CDHR1: variants seen among roughly 807,000 people sequenced by gnomAD.
CDHR1 encodes cadherin related family member 1.
In CDHR1, 61 loss-of-function variants were observed where a neutral mutation model predicts 72.1. The ratio of observed to expected loss-of-function variants is 0.85; its 90% CI spans 0.69 to 1.05. The LOEUF is 1.05. Among genes scored for constraint, CDHR1 ranks in the 50% least tolerant of loss-of-function variants. The pLI is 0.00. For missense variants in CDHR1, 1,186 were observed against 1,115.7 expected (o/e 1.06, Z -0.90); for synonymous variants, 470 against 448.1 (o/e 1.05, Z -0.62).
intron 2 of CDHR1, among the ~76,000 whole-genome samples, chr10:84,195,952 G>C (rs537222841): frequency 3.9e-5 from 6 of 152,222 alleles, no homozygotes; most frequent in Admixed American, 6.5e-5. Context: ...TGCAGAGAGA[G>C]GGGAGGAGAA....
In CDHR1 at chr10:84,215,440, C is replaced by CT; in HGVS notation, c.*821dup. 1.0e-6 allele frequency: 1 copy of CT among 985,446 alleles called. No individual in the cohort carries two copies. The highest frequency in any genetic ancestry group is 1.2e-6 in the Non-Finnish European group (1 of 829,936). 61.0% of individuals were successfully genotyped at this position (985,446 alleles called of 1,614,324 possible). A position where few individuals can be genotyped will look rare whatever the true frequency, so the allele number is the denominator to read the frequency against. On this transcript the variant is annotated 3_prime_UTR_variant, in exon 17 of 17. Transcript: ENST00000623527. ...CTGAGGAGCTGCCCCACCAGCCATC[C>CT]TTGAAGAGACAATTCAGGGCAGTTG...
Position 84,213,215 on chromosome 10 carries a change from G to C in CDHR1, c.1907G>C (p.Arg636Pro), listed in dbSNP as rs141835573. The C allele has an allele frequency of 6.2e-7, 1 of 1,614,054 alleles. No homozygotes were observed. The highest frequency in any genetic ancestry group is 8.5e-7 in the Non-Finnish European group (1 of 1,180,034). The change falls in exon 16 of 17, where the codon CGC (arginine) becomes CCC (proline). Residue 636 changes from arginine (R) to proline (P), a missense_variant. By Grantham distance (103) the Arg-to-Pro change is moderately radical. Coordinates refer to ENST00000623527, the MANE Select transcript of CDHR1 (RefSeq NM_033100.4). ...TGEIWLKNSI[R>P]SLDALHNITP... ...GAGATCTGGCTCAAGAATTCCATCC[G>C]CTCCCTGGATGCCCTGCACAACATC... is the stretch of plus-strand genomic sequence containing the variant.
chr10:84,214,815 A>G lies in CDHR1; in HGVS notation c.*194A>G, dbSNP rs1842401902. On this transcript the variant is annotated 3_prime_UTR_variant, in exon 17 of 17. Coordinates refer to ENST00000623527, the MANE Select transcript of CDHR1 (RefSeq NM_033100.4). ...GTTGCGCTCTGACAGGGCTCTAGTC[A>G]GGGCCTTGGGCAAGACATTGGGCTC... 1.3e-6 allele frequency: 2 copies of G among 1,509,316 alleles called. No homozygotes were observed. Among genetic ancestry groups the G allele is most frequent in the Non-Finnish European group, 8.8e-7 (1 of 1,138,666 alleles). The allele number at this position is 1,509,316 out of a possible 1,614,324, so 93.5% of individuals were successfully genotyped here.
At chr10:84,204,677 C>T in intron 9 of CDHR1, 72 bp downstream of exon 9, 1 of 1,013,242 alleles carries the variant, frequency 9.9e-7, no homozygotes, top group Non-Finnish European at 1.6e-6. Flanking sequence ...CTCAACCTCT[C>T]TAGATTCCAG....
Position 84,211,001 on chromosome 10 carries a change from C to G in CDHR1, c.1321C>G (p.Leu441Val). The G allele has an allele frequency of 1.2e-6, 2 of 1,614,210 alleles. No homozygotes were observed. The highest frequency in any genetic ancestry group is 1.6e-4 in the Middle Eastern group (1 of 6,062). Reference sequence around the variant, plus strand: ...AGTCCCCATTTTCCCCCCTTCCCAGCTCCTGGCTGTTGAAGTGAACACCCC... The same window carrying G: ...AGTCCCCATTTTCCCCCCTTCCCAGGTCCTGGCTGTTGAAGTGAACACCCC... ...FEKSKVLTFK[L>V]LAVEVNTPEK... is the part of the protein sequence containing the mutation. The change falls in exon 13 of 17, where the codon CTC becomes GTC. Residue 441 changes from leucine (L) to valine (V), a missense_variant and splice_region_variant. Transcript: ENST00000623527.
intron 6 of CDHR1, 134 bp downstream of exon 6, chr10:84,200,821 G>A: frequency 1.4e-6 from 1 of 693,982 alleles, no homozygotes; most frequent in Non-Finnish European, 2.6e-6. Flanking sequence ...GGTTGGGATG[G>A]GCAGGAGGGG....
In CDHR1 at chr10:84,217,921, C is replaced by T; in HGVS notation, c.*3300C>T. 1.0e-6 allele frequency: 1 copy of T among 985,460 alleles called. No individual in the cohort carries two copies. The highest frequency in any genetic ancestry group is 1.2e-6 in the Non-Finnish European group (1 of 829,948). The allele number at this position is 985,460 out of a possible 1,614,324, so 61.0% of individuals were successfully genotyped here. A position where few individuals can be genotyped will look rare whatever the true frequency, so the allele number is the denominator to read the frequency against. ...GAACTTGTGGCACTCTGTCCTCAAG[C>T]AGCTGTCCCTCAGAATCCTGCTAGA... On this transcript the variant is annotated 3_prime_UTR_variant, in exon 17 of 17. Transcript: ENST00000623527.
At position 84,216,859 on chromosome 10, in the gene CDHR1, G is replaced by A. The variant is rs1419229506; in HGVS notation, c.*2238G>A. On this transcript the variant is annotated 3_prime_UTR_variant, in exon 17 of 17. Coordinates refer to ENST00000623527, the MANE Select transcript of CDHR1 (RefSeq NM_033100.4). ...TACCAGTGCAGCCCGGCAAGGGCAG[G>A]AATTGGGAGGCCTAGGGTGGGCATG... 4.8e-5 allele frequency: 47 copies of A among 985,426 alleles called. No individual in the cohort carries two copies. The highest frequency in any genetic ancestry group is 5.4e-5 in the Non-Finnish European group (45 of 829,988). 61.0% of individuals were successfully genotyped at this position (985,426 alleles called of 1,614,324 possible). A position where few individuals can be genotyped will look rare whatever the true frequency, so the allele number is the denominator to read the frequency against.
In CDHR1 at chr10:84,215,252, C is replaced by G. The variant is rs886047335; in HGVS notation, c.*631C>G. On this transcript the variant is annotated 3_prime_UTR_variant, in exon 17 of 17. Coordinates refer to ENST00000623527, the MANE Select transcript of CDHR1 (RefSeq NM_033100.4). The stretch of plus-strand genomic sequence containing the variant: ...TTCTGTCTGGGCAGAGACTGTGGAC[C>G]CTGGTATGCCCACGTGGGACAGAGG... The G allele has an allele frequency of 1.0e-6, 1 of 990,252 alleles. No individual in the cohort carries two copies. The highest frequency in any genetic ancestry group is 1.2e-6 in the Non-Finnish European group (1 of 832,914). 61.3% of individuals were successfully genotyped at this position (990,252 alleles called of 1,614,324 possible).
intron 13 of CDHR1, 129 bp from the exon 14 acceptor site, chr10:84,211,519 C>T: frequency 1.2e-6 from 1 of 830,796 alleles, no homozygotes; most frequent in Non-Finnish European, 2.0e-6. Context: ...GTCTCTCCAC[C>T]AATTTCTCCC....
In CDHR1 at chr10:84,194,753, G is replaced by T; in HGVS notation, c.-8G>T. 6.6e-6 allele frequency: 10 copies of T among 1,504,384 alleles called. No individual in the cohort carries two copies. Among genetic ancestry groups the T allele is most frequent in the Non-Finnish European group, 8.8e-6 (10 of 1,134,692 alleles). The allele number at this position is 1,504,384 out of a possible 1,614,324, so 93.2% of individuals were successfully genotyped here. A position where few individuals can be genotyped will look rare whatever the true frequency, so the allele number is the denominator to read the frequency against. ...CGGCGGCAGGCGACACTCCGCGCCGGCGGAGACATGAGGCGCTGCCGGTGG... is the reference window on the plus strand; with the variant it reads ...CGGCGGCAGGCGACACTCCGCGCCGTCGGAGACATGAGGCGCTGCCGGTGG... On this transcript the variant is annotated 5_prime_UTR_variant, in exon 1 of 17. Coordinates refer to ENST00000623527, the MANE Select transcript of CDHR1 (RefSeq NM_033100.4).
rs985106833 is a variant in CDHR1 at position 84,215,170 on chromosome 10, C to T, written c.*549C>T. 3 of 1,009,438 alleles carry T rather than the reference C, an allele frequency of 3.0e-6. No homozygotes were observed. The highest frequency in any genetic ancestry group is 3.6e-6 in the Non-Finnish European group (3 of 844,068). The allele number at this position is 1,009,438 out of a possible 1,614,324, so 62.5% of individuals were successfully genotyped here. ...TGTAGGTAAGGGGAGAGCAAGGATG[C>T]ACAGAAAACACACTGACTGTGGGAC... On this transcript the variant is annotated 3_prime_UTR_variant, in exon 17 of 17. Coordinates refer to ENST00000623527, the MANE Select transcript of CDHR1 (RefSeq NM_033100.4).
chr10:84,213,314 C>T lies in CDHR1; in HGVS notation c.2006C>T (p.Thr669Ile), dbSNP rs1299770036. ...CGGGGCTCCCCATCCTTCAGCACCA[C>T]AGCCTTACTCAAGATTGACATCACA... ...KDRGSPSFST[T>I]ALLKIDITDA... is the part of the protein sequence containing the mutation. Residue 669 changes from threonine to isoleucine, a missense_variant, in exon 16 of 17, where the codon ACA becomes ATA. Coordinates refer to ENST00000623527, the MANE Select transcript of CDHR1 (RefSeq NM_033100.4). 1.9e-6 allele frequency: 3 copies of T among 1,614,236 alleles called. No individual in the cohort carries two copies. Among genetic ancestry groups the T allele is most frequent in the East Asian group, 2.2e-5 (1 of 44,880 alleles).
chr10:84,196,739 A>G, intron 3 of CDHR1, 89 bp downstream of exon 3: 1 of 1,464,406 alleles, frequency 6.8e-7, no homozygotes, highest in Non-Finnish European at 9.6e-7. Context: ...ATTGGTTAGA[A>G]CCTCTCCACA....
Position 84,213,227 on chromosome 10 carries a change from C to T in CDHR1, c.1919C>T (p.Ala640Val), listed in dbSNP as rs1361135707. 12 of 1,614,116 alleles carry T rather than the reference C, an allele frequency of 7.4e-6. No individual in the cohort carries two copies. The highest frequency in any genetic ancestry group is 1.0e-5 in the Non-Finnish European group (12 of 1,180,052). ...WLKNSIRSLDALHNITPGRDC... is the reference protein window; with the variant it reads ...WLKNSIRSLDVLHNITPGRDC... ...AAGAATTCCATCCGCTCCCTGGATG[C>T]CCTGCACAACATCACACCTGGAAGG... Residue 640 changes from alanine (A) to valine (V), a missense_variant, in exon 16 of 17, where the codon GCC (alanine) becomes GTC (valine). Ala to Val is a moderately conservative substitution (Grantham distance 64, BLOSUM62 0). Coordinates refer to ENST00000623527, the MANE Select transcript of CDHR1 (RefSeq NM_033100.4).
chr10:84,204,497 T>A (rs774162981), intron 8 of CDHR1, 30 bp from the exon 9 acceptor site: 1 of 1,524,572 alleles, frequency 6.6e-7, no homozygotes, highest in Non-Finnish European at 9.1e-7. Context: ...ATATTGCCCA[T>A]CAGGCAGCGG....
chr10:84,195,692 C>A, intron 2 of CDHR1, 103 bp downstream of exon 2: 1 of 934,030 alleles, frequency 1.1e-6, no homozygotes, highest in Non-Finnish European at 1.7e-6. Flanking sequence ...TGCGCGCGCC[C>A]GGGGGCTCCT....
At chr10:84,198,985 CAGA>C in intron 4 of CDHR1, 44 bp from the exon 5 acceptor site, 1 of 1,419,598 alleles carries the variant, frequency 7.0e-7, no homozygotes, top group Non-Finnish European at 9.7e-7. Flanking sequence ...ATTCATCCTT[CAGA>C]AGGTCTCATT....
chr10:84,205,606 G>T (rs1249094628), intron 9 of CDHR1: 2 of 609,526 alleles, frequency 3.3e-6, no homozygotes, highest in East Asian at 5.7e-5. Context: ...GAATGTGGGA[G>T]CTGGACAGAA....
Sources: allele counts gnomAD v4.1 joint callset (sites outside exome capture counted in the v4.1 genomes callset), GRCh38; gene constraint gnomAD v4.1.1; transcripts MANE v1.5; gene names NCBI Gene and HGNC (gene_info 2026-07-23, HGNC 2026-07-21).